SALL3: variants seen among roughly 807,000 people sequenced by gnomAD.
SALL3 encodes sal-like protein 3.
A neutral mutation model predicts 66.2 loss-of-function variants in SALL3; 25 were observed. That is an observed-to-expected ratio of 0.38 (90% CI 0.28 to 0.53). The LOEUF (loss-of-function observed/expected upper bound fraction) is 0.53, where lower values mean the gene tolerates loss of function less well. SALL3 is among the 20% of genes least tolerant of loss of function. SALL3 has a pLI of 0.85. For synonymous variants in SALL3, 1,152 were observed against 899.1 expected, an observed-to-expected ratio of 1.28 and a Z score of -5.03; for missense variants, 2,194 against 1,916.5, an observed-to-expected ratio of 1.14 and a Z score of -2.70.
chr18:78,993,656 G>T lies in SALL3; in HGVS notation c.1665G>T (p.Arg555Ser), dbSNP rs769479187. ...SATPASRSPQ[R>S]PSPASSECAS... is the part of the protein sequence containing the mutation. ...CCCCAGCCAGCCGCTCCCCGCAGAG[G>T]CCCTCGCCCGCCTCCAGCGAGTGCG... The change falls in exon 2 of 3, where the codon AGG (arginine) becomes AGT (serine). Residue 555 changes from arginine to serine, a missense_variant. Physicochemically the swap from Arg to Ser is moderately radical, Grantham distance 110 (BLOSUM62 -1). Transcript: ENST00000537592. The T allele has an allele frequency of 6.3e-7, 1 of 1,587,612 alleles. No homozygotes were observed.
Position 78,993,802 on chromosome 18 carries a change from C to A in SALL3, c.1811C>A (p.Thr604Asn). The change falls in exon 2 of 3, where the codon ACC (threonine) becomes AAC (asparagine). Residue 604 changes from threonine to asparagine, a missense_variant. Thr to Asn is a moderately conservative substitution (Grantham distance 65). Coordinates refer to ENST00000537592, the MANE Select transcript of SALL3 (RefSeq NM_171999.4). ...GCCGAGCCCGTCAGCCTGCCCTGCA[C>A]CAACGCCAGGGCCGGGGACGCTCCC... Reference protein sequence around the residue: ...TKAEPVSLPCTNARAGDAPVG... With the variant: ...TKAEPVSLPCNNARAGDAPVG... The A allele has an allele frequency of 6.4e-7, 1 of 1,554,892 alleles. No individual in the cohort carries two copies. Among genetic ancestry groups the A allele is most frequent in the South Asian group, 1.2e-5 (1 of 84,846 alleles).
In SALL3 at chr18:78,995,058, C is replaced by T; in HGVS notation, c.3067C>T (p.His1023Tyr). The change falls in exon 2 of 3, where the codon CAC becomes TAC. Residue 1023 changes from histidine to tyrosine, a missense_variant. Transcript: ENST00000537592. ...GCSTMGNLKQ[H>Y]LLTHRLKELP... ...CTCCACTATGGGTAATTTAAAACAG[C>T]ACTTACTGACACACAGATTGAAAGA... 2 of 1,613,888 alleles carry T rather than the reference C, an allele frequency of 1.2e-6. No individual in the cohort carries two copies. The highest frequency in any genetic ancestry group is 1.7e-6 in the Non-Finnish European group (2 of 1,180,022).
intron 1 of SALL3, among the ~76,000 whole-genome samples, chr18:78,986,874 T>C (rs1914263448): frequency 6.6e-6 from 1 of 152,228 alleles, no homozygotes; most frequent in Admixed American, 6.5e-5. Context: ...TTGTAATTGG[T>C]TAGCTTACTT....
At chr18:78,980,384 G>T (rs1913985121) in intron 1 of SALL3, 28 bp downstream of exon 1, 36 of 1,356,328 alleles carry the variant, frequency 2.7e-5, no homozygotes, top group Non-Finnish European at 3.5e-5. Context: ...GGGGTGGCCG[G>T]GGGGTCTGGG....
Position 78,992,622 on chromosome 18 carries a change from G to T in SALL3, c.631G>T (p.Ala211Ser). 1 of 1,552,706 alleles carries T rather than the reference G, an allele frequency of 6.4e-7. No individual in the cohort carries two copies. Among genetic ancestry groups the T allele is most frequent in the Non-Finnish European group, 8.6e-7 (1 of 1,156,478 alleles). ...GCCCCTGATCCTGGAACAGCTCATG[G>T]CCCTGCAGCAGCAGCAGATCCACCA... ...AVPLILEQLM[A>S]LQQQQIHQLQ... Residue 211 changes from alanine (A) to serine (S), a missense_variant, in exon 2 of 3, where the codon GCC becomes TCC. Coordinates refer to ENST00000537592, the MANE Select transcript of SALL3 (RefSeq NM_171999.4).
In SALL3 at chr18:78,997,168, T is replaced by TCC; in HGVS notation, c.3754_3755dup (p.Gly1254TrpfsTer51). On this transcript the variant is annotated frameshift_variant, in exon 3 of 3. Transcript: ENST00000537592. LOFTEE classifies it low-confidence loss of function (END_TRUNC). The stretch of plus-strand genomic sequence containing the variant: ...CCCGTGAGTCTTGGGGGCAGCGCCC[T>TCC]CCCCCCTCTGGGCAGCATGGCCAGT... 1 of 1,613,486 alleles carries TCC rather than the reference T, an allele frequency of 6.2e-7. No individual in the cohort carries two copies. Among genetic ancestry groups the TCC allele is most frequent in the Non-Finnish European group, 8.5e-7 (1 of 1,179,932 alleles).
chr18:78,984,407 C>A (rs1914169683), intron 1 of SALL3, among the ~76,000 whole-genome samples: 1 of 44,458 alleles, frequency 2.2e-5, no homozygotes, highest in Admixed American at 3.6e-4. Context: ...TTTCAAGAAG[C>A]ATAACTTTTA....
Position 78,997,242 on chromosome 18 carries a change from G to T in SALL3, c.3823G>T (p.Asp1275Tyr). ...TGSSPPIVSL[D>Y]KASSETAASR... is the part of the protein sequence containing the mutation. ...CAGTAGCCCACCCATCGTCAGCTTG[G>T]ACAAAGCGAGCTCAGAAACAGCAGC... The change falls in exon 3 of 3, where the codon GAC becomes TAC. Residue 1275 changes from aspartate (D) to tyrosine (Y), a missense_variant. Physicochemically the swap from Asp to Tyr is radical, Grantham distance 160 (BLOSUM62 -3). Coordinates refer to ENST00000537592, the MANE Select transcript of SALL3 (RefSeq NM_171999.4). 1 of 1,614,008 alleles carries T rather than the reference G, an allele frequency of 6.2e-7. No individual in the cohort carries two copies. The highest frequency in any genetic ancestry group is 8.5e-7 in the Non-Finnish European group (1 of 1,180,034).
At position 78,992,744 on chromosome 18, in the gene SALL3, G is replaced by A. The variant is rs1440413016; in HGVS notation, c.753G>A (p.Pro251=). ...SLSPAAAPSA[P]GPAPSQLPGL... ...GCCCCGCGGCCGCCCCGAGCGCACC[G>A]GGCCCGGCCCCCAGCCAGCTGCCCG... The change falls in exon 2 of 3, where the codon CCG becomes CCA. Residue 251 remains proline, a synonymous_variant. Coordinates refer to ENST00000537592, the MANE Select transcript of SALL3 (RefSeq NM_171999.4). 5.0e-6 allele frequency: 6 copies of A among 1,202,210 alleles called. No homozygotes were observed. Among genetic ancestry groups the A allele is most frequent in the Admixed American group, 9.7e-5 (2 of 20,718 alleles). The allele number at this position is 1,202,210 out of a possible 1,614,324, so 74.5% of individuals were successfully genotyped here.
At position 78,992,394 on chromosome 18, in the gene SALL3, G is replaced by T. The variant is rs1914472296; in HGVS notation, c.403G>T (p.Asp135Tyr). ...GGTGGAGAAGGAGGCCGAGCCCATG[G>T]ACGCGGAACCCGCGGGGGACACGCG... ...RPVEKEAEPM[D>Y]AEPAGDTRAP... Residue 135 changes from aspartate to tyrosine, a missense_variant, in exon 2 of 3, where the codon GAC becomes TAC. By Grantham distance (160) the Asp-to-Tyr change is radical (BLOSUM62 -3). Coordinates refer to ENST00000537592, the MANE Select transcript of SALL3 (RefSeq NM_171999.4). 4 of 1,325,400 alleles carry T rather than the reference G, an allele frequency of 3.0e-6. No homozygotes were observed. Among genetic ancestry groups the T allele is most frequent in the Non-Finnish European group, 3.8e-6 (4 of 1,044,026 alleles). 82.1% of individuals were successfully genotyped at this position (1,325,400 alleles called of 1,614,324 possible).
At chr18:78,983,260 A>G (rs892811325) in intron 1 of SALL3, among the ~76,000 whole-genome samples, 12 of 152,244 alleles carry the variant, frequency 7.9e-5, no homozygotes, top group African/African-American at 2.9e-4. Flanking sequence ...ACTTTGCGCC[A>G]CTAGTAATCC....
Position 78,994,211 on chromosome 18 carries a change from C to A in SALL3, c.2220C>A (p.Ser740=). 6.2e-7 allele frequency: 1 copy of A among 1,613,614 alleles called. No homozygotes were observed. The highest frequency in any genetic ancestry group is 1.7e-5 in the Admixed American group (1 of 60,026). ...AGCCGCCCCTGCGCGTGCAGCACTC[C>A]TGCCCCATCTGCCAGAAGAAGTTCA... ...RAKPPLRVQH[S]CPICQKKFTN... The change falls in exon 2 of 3, where the codon TCC becomes TCA. Residue 740 remains serine (S), a synonymous_variant. Coordinates refer to ENST00000537592, the MANE Select transcript of SALL3 (RefSeq NM_171999.4).
At position 78,992,966 on chromosome 18, in the gene SALL3, G is replaced by A; in HGVS notation, c.975G>A (p.Pro325=). The A allele has an allele frequency of 5.0e-6, 6 of 1,209,028 alleles. No individual in the cohort carries two copies. Among genetic ancestry groups the A allele is most frequent in the Non-Finnish European group, 5.1e-6 (5 of 974,598 alleles). 74.9% of individuals were successfully genotyped at this position (1,209,028 alleles called of 1,614,324 possible). A position where few individuals can be genotyped will look rare whatever the true frequency, so the allele number is the denominator to read the frequency against. Residue 325 remains proline (P), a synonymous_variant, in exon 2 of 3, where the codon CCG becomes CCA. Coordinates refer to ENST00000537592, the MANE Select transcript of SALL3 (RefSeq NM_171999.4). ...CCCCTGCCCCCGCTGCCCCCGCCCC[G>A]GCGCCAGCGCCGCAGAGCGCAGCCT... ...SAAPAPAAPA[P]APAPQSAASS...
intron 1 of SALL3, 62 bp downstream of exon 1, chr18:78,980,418 C>G: frequency 9.3e-7 from 1 of 1,071,962 alleles, no homozygotes; most frequent in Non-Finnish European, 1.2e-6. Context: ...GCTGGGGAAG[C>G]GCGTGCGGCG....
Position 78,994,576 on chromosome 18 carries a change from T to A in SALL3, c.2585T>A (p.Leu862His), listed in dbSNP as rs1306394547. Residue 862 changes from leucine to histidine, a missense_variant, in exon 2 of 3, where the codon CTC becomes CAC. Leu to His is a moderately conservative substitution (Grantham distance 99). Transcript: ENST00000537592. ...SVMSCQQLTG[L>H]KSVENGSGES... is the part of the protein sequence containing the mutation. ...ATGAGCTGCCAGCAGCTGACCGGCC[T>A]CAAGTCCGTGGAGAACGGGTCCGGG... is the stretch of plus-strand genomic sequence containing the variant. The A allele has an allele frequency of 1.2e-6, 2 of 1,607,938 alleles. No homozygotes were observed. Among genetic ancestry groups the A allele is most frequent in the African/African-American group, 2.7e-5 (2 of 73,676 alleles).
chr18:78,981,543 C>T (rs1245321771), intron 1 of SALL3, among the ~76,000 whole-genome samples: 1 of 152,124 alleles, frequency 6.6e-6, no homozygotes, highest in Non-Finnish European at 1.5e-5. Flanking sequence ...GGGTAGACAC[C>T]CATGTCGGAT....
intron 1 of SALL3, among the ~76,000 whole-genome samples, chr18:78,986,742 A>G (rs963118161): frequency 6.6e-6 from 1 of 152,274 alleles, no homozygotes; most frequent in Non-Finnish European, 1.5e-5. Flanking sequence ...CTTTCCCTGC[A>G]CTAAACAAAT....
chr18:78,985,475 C>T (rs1268627472), intron 1 of SALL3, among the ~76,000 whole-genome samples: 1 of 152,188 alleles, frequency 6.6e-6, no homozygotes, highest in African/African-American at 2.4e-5. Flanking sequence ...TTTGGTAATT[C>T]TGTTGTAGGA....
At chr18:78,983,551 G>A (rs1184188765) in intron 1 of SALL3, among the ~76,000 whole-genome samples, 1 of 152,096 alleles carries the variant, frequency 6.6e-6, no homozygotes, top group African/African-American at 2.4e-5. Context: ...GTATATGGCT[G>A]TCTTAAAAAT....
Sources: gnomAD v4.1 joint callset for allele counts (sites outside exome capture counted in the v4.1 genomes callset) on GRCh38, gnomAD v4.1.1 for gene constraint, MANE v1.5 for transcripts, NCBI Gene and HGNC (gene_info 2026-07-23, HGNC 2026-07-21) for gene names.